TAFA4: variants seen among roughly 807,000 people sequenced by gnomAD.
TAFA4 encodes the protein TAFA chemokine like family member 4, also known as chemokine-like protein TAFA-4.
TAFA4 carries 20 observed loss-of-function variants against 21.1 expected under a neutral mutation model. The observed-to-expected ratio is 0.95, with a 90% CI of 0.67 to 1.38. The LOEUF (loss-of-function observed/expected upper bound fraction) is 1.38, where lower values mean the gene tolerates loss of function less well. Ranked by LOEUF, TAFA4 falls within the 40% of genes most tolerant of loss-of-function variation. TAFA4 has a pLI of 0.00. For synonymous variants in TAFA4, 71 were observed against 67.4 expected (o/e 1.05, Z -0.26); for missense variants, 211 against 180.9 (o/e 1.17, Z -0.95).
chr3:68,898,208 C>G (rs1042649697), intron 1 of TAFA4, among the ~76,000 whole-genome samples: 1 of 152,162 alleles, frequency 6.6e-6, no homozygotes, highest in African/African-American at 2.4e-5. Context: ...GTCGCTTCAT[C>G]TGAGATTAAA....
chr3:68,756,027 C>T (rs886116191), intron 3 of TAFA4, among the ~76,000 whole-genome samples: 1 of 152,192 alleles, frequency 6.6e-6, no homozygotes, highest in African/African-American at 2.4e-5. Context: ...GTGGATCCTA[C>T]AGCCCCAGCC....
chr3:68,797,578 A>C (rs1030838741), intron 3 of TAFA4, among the ~76,000 whole-genome samples: 14 of 138,338 alleles, frequency 1.0e-4, no homozygotes, highest in Non-Finnish European at 2.1e-4. Context: ...ATGCCACTAC[A>C]CTCCAGCCTG....
chr3:68,901,037 T>C (rs568805018), intron 1 of TAFA4, among the ~76,000 whole-genome samples: 33 of 152,248 alleles, frequency 2.2e-4, no homozygotes, highest in African/African-American at 7.7e-4. Context: ...GAATTGAGAA[T>C]GAGAAACAGC....
chr3:68,920,221 C>T (rs887513091), intron 1 of TAFA4, among the ~76,000 whole-genome samples: 97 of 152,122 alleles, frequency 6.4e-4, no homozygotes, highest in African/African-American at 2.2e-3. Context: ...CTCCAAGACA[C>T]CAGTAAGCAA....
intron 3 of TAFA4, among the ~76,000 whole-genome samples, chr3:68,807,683 A>G (rs1319691781): frequency 6.6e-6 from 1 of 152,222 alleles, no homozygotes; most frequent in Non-Finnish European, 1.5e-5. Flanking sequence ...ATCACTGTCT[A>G]TTAAAGTTAG....
chr3:68,794,129 G>A (rs1265976693), intron 3 of TAFA4, among the ~76,000 whole-genome samples: 5 of 152,032 alleles, frequency 3.3e-5, no homozygotes, highest in Non-Finnish European at 5.9e-5. Context: ...GCCAAGCTTT[G>A]GTAGATACAT....
chr3:68,759,099 T>G (rs116772490), intron 3 of TAFA4, among the ~76,000 whole-genome samples: 153 of 152,234 alleles, frequency 1.0e-3, no homozygotes, highest in African/African-American at 3.5e-3. Flanking sequence ...GTGTTTCAGT[T>G]CAGGTCTGAA....
At chr3:68,905,150 CTTTTTTT>C (rs145187037) in intron 1 of TAFA4, among the ~76,000 whole-genome samples, 1 of 85,242 alleles carries the variant, frequency 1.2e-5, no homozygotes. Flanking sequence ...AGATTTCTGC[CTTTTTTT>C]TTTTTTTTTT....
intron 3 of TAFA4, among the ~76,000 whole-genome samples, chr3:68,845,666 C>T (rs1333159891): frequency 6.6e-6 from 1 of 152,282 alleles, no homozygotes; most frequent in Non-Finnish European, 1.5e-5. Flanking sequence ...CCAGTTTTTC[C>T]TTTCCATGTT....
At chr3:68,807,691 T>A (rs1382336795) in intron 3 of TAFA4, among the ~76,000 whole-genome samples, 1 of 152,212 alleles carries the variant, frequency 6.6e-6, no homozygotes, top group South Asian at 2.1e-4. Context: ...CTATTAAAGT[T>A]AGGAGTGCCA....
At chr3:68,843,736 A>G (rs1704722952) in intron 3 of TAFA4, among the ~76,000 whole-genome samples, 1 of 152,238 alleles carries the variant, frequency 6.6e-6, no homozygotes, top group Non-Finnish European at 1.5e-5. Context: ...AGTGCTGTTG[A>G]ATTTTATCAA....
chr3:68,912,680 G>T (rs938109533), intron 1 of TAFA4, among the ~76,000 whole-genome samples: 1 of 152,192 alleles, frequency 6.6e-6, no homozygotes, highest in South Asian at 2.1e-4. Flanking sequence ...GCTGGCTCCT[G>T]TTCAAGTGCT....
At chr3:68,766,018 T>G (rs919245344) in intron 3 of TAFA4, among the ~76,000 whole-genome samples, 8 of 151,586 alleles carry the variant, frequency 5.3e-5, no homozygotes, top group African/African-American at 1.9e-4. Context: ...TGGGAGAAAG[T>G]CTCCAATATG....
At chr3:68,918,180 G>A (rs1171038829) in intron 1 of TAFA4, among the ~76,000 whole-genome samples, 6 of 151,736 alleles carry the variant, frequency 4.0e-5, no homozygotes, top group Non-Finnish European at 8.8e-5. Flanking sequence ...TCCAGGGAAA[G>A]GAAATCAGGT....
chr3:68,830,558 T>G (rs1165495470), intron 3 of TAFA4, among the ~76,000 whole-genome samples: 2 of 152,198 alleles, frequency 1.3e-5, no homozygotes, highest in African/African-American at 4.8e-5. Flanking sequence ...AGAGACAGTT[T>G]GTTGTGATTT....
chr3:68,760,992 A>C (rs1702746962), intron 3 of TAFA4, among the ~76,000 whole-genome samples: 1 of 152,196 alleles, frequency 6.6e-6, no homozygotes, highest in African/African-American at 2.4e-5. Context: ...GAGATGCCAA[A>C]TGGAATTATC....
rs557437424 is a variant in TAFA4, at chr3:68,897,637, A to T, written c.-122-12327T>A. 5.5e-3 allele frequency among the ~76,000 whole-genome samples: 833 copies of T among 151,798 alleles called. 10 individuals are homozygous for T. Among genetic ancestry groups the T allele is most frequent in the African/African-American group, 0.018 (734 of 41,344 alleles). On this transcript the variant is annotated intron_variant, in intron 1 of 5. Coordinates refer to ENST00000295569, the MANE Select transcript of TAFA4 (RefSeq NM_182522.5). ...GCGAAACTCCATCTCAAAAAAAAAA[A>T]ATATTTATTTTTCCCTTTATCTCTC...
rs547527409 is a variant in TAFA4, at chr3:68,747,550, G to A, written c.286+5313C>T. Reference sequence around the variant, plus strand: ...ACGATGGTGAGGCCTCCCCAGCCACGTGGAACTGTGAGTCCATTAAACCTC... The same window carrying A: ...ACGATGGTGAGGCCTCCCCAGCCACATGGAACTGTGAGTCCATTAAACCTC... On this transcript the variant is annotated intron_variant, in intron 4 of 5. Transcript: ENST00000295569. Among the ~76,000 whole-genome samples, 55 of 152,278 alleles carry A rather than the reference G, an allele frequency of 3.6e-4. 1 individual carries two copies. Among genetic ancestry groups the A allele is most frequent in the South Asian group, 1.0e-3 (5 of 4,822 alleles).
At chr3:68,873,337 T>TACATACACACACACACACACACAC (rs1208450049) in intron 3 of TAFA4, among the ~76,000 whole-genome samples, 1 of 133,422 alleles carries the variant, frequency 7.5e-6, no homozygotes, top group Non-Finnish European at 1.6e-5. Context: ...CACGCAGACA[T>TACATACACACACACACACACACAC]ACACACACAC....
Sources: gnomAD v4.1 joint callset for allele counts (sites outside exome capture counted in the v4.1 genomes callset) on GRCh38, gnomAD v4.1.1 for gene constraint, MANE v1.5 for transcripts, NCBI Gene and HGNC (gene_info 2026-07-23, HGNC 2026-07-21) for gene names.